XPC: variants seen among roughly 807,000 people sequenced by gnomAD.
XPC encodes the protein XPC complex subunit, DNA damage recognition and repair factor, also known as DNA repair protein complementing XP-C cells.
A neutral mutation model predicts 95.8 loss-of-function variants in XPC; 76 were observed. The ratio of observed to expected loss-of-function variants is 0.79; its 90% confidence interval spans 0.66 to 0.96. The LOEUF is 0.96. Ranked by LOEUF, XPC falls within the 40% of genes least tolerant of loss-of-function variation. The pLI is 0.00. For synonymous variants in XPC, 442 were observed against 442.1 expected, an observed-to-expected ratio of 1.00 and a Z score of 0.00; for missense variants, 1,146 against 1,179.8, an observed-to-expected ratio of 0.97 and a Z score of 0.42.
At chr3:14,155,725 A>AT (rs1248040942) in intron 10 of XPC, among the ~76,000 whole-genome samples, 1 of 151,948 alleles carries the variant, frequency 6.6e-6, no homozygotes, top group African/African-American at 2.4e-5. Flanking sequence ...CACCCGGCTA[A>AT]TTTTTTGTAT....
At chr3:14,150,317 A>G (rs1030232958) in intron 11 of XPC, among the ~76,000 whole-genome samples, 1 of 152,250 alleles carries the variant, frequency 6.6e-6, no homozygotes, top group Non-Finnish European at 1.5e-5. Flanking sequence ...CTTGTTCTGT[A>G]AAGGGTCATG....
At chr3:14,146,672 G>T (rs1695451043) in intron 15 of XPC, among the ~76,000 whole-genome samples, 3 of 152,178 alleles carry the variant, frequency 2.0e-5, no homozygotes, top group Admixed American at 2.0e-4. Context: ...AGAGGGACTG[G>T]AATGAGGAGC....
At chr3:14,162,489 A>C (rs534474273) in intron 7 of XPC, among the ~76,000 whole-genome samples, 4 of 152,354 alleles carry the variant, frequency 2.6e-5, no homozygotes, top group Non-Finnish European at 5.9e-5. Flanking sequence ...ATTTATGGCC[A>C]GTTGATTTTT....
intron 11 of XPC, 68 bp downstream of exon 11, chr3:14,152,267 C>T: frequency 2.1e-6 from 3 of 1,427,056 alleles, no homozygotes. Context: ...CTTCTCTGCC[C>T]CCAGCTCTCC....
Position 14,147,378 on chromosome 3 carries a change from T to C in XPC, c.2516A>G (p.Lys839Arg), listed in dbSNP as rs774659326. The C allele has an allele frequency of 1.9e-6, 3 of 1,605,364 alleles. No individual in the cohort carries two copies. Among genetic ancestry groups the C allele is most frequent in the African/African-American group, 2.7e-5 (2 of 74,786 alleles). ...GTTCCCTAGAGCCCGCTTCTCCTTTTTCTGCAGGCAAAAATGAAGTGGGAG... is the reference window on the plus strand; with the variant it reads ...GTTCCCTAGAGCCCGCTTCTCCTTTCTCTGCAGGCAAAAATGAAGTGGGAG... ...QAVIERKEKE[K>R]KEKRALGNWK... is the part of the protein sequence containing the mutation. Residue 839 changes from lysine (K) to arginine (R), a missense_variant and splice_region_variant, in exon 15 of 16, where the codon AAA becomes AGA. By Grantham distance (26) the Lys-to-Arg change is conservative. Transcript: ENST00000285021.
In XPC at chr3:14,146,039, C is replaced by G. The variant is rs2125004905; in HGVS notation, c.2725G>C (p.Glu909Gln). The G allele has an allele frequency of 6.2e-7, 1 of 1,612,920 alleles. No homozygotes were observed. The highest frequency in any genetic ancestry group is 8.5e-7 in the Non-Finnish European group (1 of 1,179,482). ...TTCAGCTTCTGCTTTTCTTCATCTTCTCGGTTTTGAGGCCAGGAGGCAGCC... is the reference window on the plus strand; with the variant it reads ...TTCAGCTTCTGCTTTTCTTCATCTTGTCGGTTTTGAGGCCAGGAGGCAGCC... ...ILAASWPQNR[E>Q]DEEKQKLKGG... Residue 909 changes from glutamate (E) to glutamine (Q), a missense_variant, in exon 16 of 16, where the codon GAA (glutamate) becomes CAA (glutamine). By Grantham distance (29) the Glu-to-Gln change is conservative. Coordinates refer to ENST00000285021, the MANE Select transcript of XPC (RefSeq NM_004628.5).
rs1209236040 is a variant in XPC at position 14,156,457 on chromosome 3, G to A, written c.1911C>T (p.Ala637=). The A allele has an allele frequency of 1.9e-6, 3 of 1,614,030 alleles. No individual in the cohort carries two copies. In the East Asian group the frequency reaches 6.7e-5, roughly 36 times the overall value. ...GAGGGTGGTTCTTATATAAGCCAAT[G>A]GCAGTGGGCAAAGGCTGGTCCATGT... is the stretch of plus-strand genomic sequence containing the variant. The part of the protein sequence containing the change: ...AKHMDQPLPT[A]IGLYKNHPLY... The change falls in exon 10 of 16, where the codon GCC becomes GCT. Residue 637 remains alanine, a synonymous_variant. Coordinates refer to ENST00000285021, the MANE Select transcript of XPC (RefSeq NM_004628.5).
chr3:14,162,270 G>A (rs1356216314), intron 7 of XPC, among the ~76,000 whole-genome samples: 2 of 152,278 alleles, frequency 1.3e-5, no homozygotes, highest in South Asian at 2.1e-4. Context: ...CTTTTTCACA[G>A]AAATGGAAAA....
chr3:14,148,810 T>A lies in XPC; in HGVS notation c.2250+4A>T, dbSNP rs1695559774. ...GTCCTGAGCCCTTCTGATGCTGCCC[T>A]TACCTTCCCGTCCACGGCCACTGGG... is the stretch of plus-strand genomic sequence containing the variant. On this transcript the variant is annotated splice_donor_region_variant and intron_variant, in intron 12 of 15. Coordinates refer to ENST00000285021, the MANE Select transcript of XPC (RefSeq NM_004628.5). 1 of 1,613,842 alleles carries A rather than the reference T, an allele frequency of 6.2e-7. No individual in the cohort carries two copies. The highest frequency in any genetic ancestry group is 1.3e-5 in the African/African-American group (1 of 74,936).
intron 2 of XPC, 141 bp downstream of exon 2, chr3:14,172,726 C>T (rs1226546454): frequency 1.1e-5 from 10 of 919,238 alleles, no homozygotes; most frequent in South Asian, 2.3e-5. Flanking sequence ...CAGCTCTTAC[C>T]GGTCTGAGTT....
At chr3:14,167,771 C>T (rs1696441855) in intron 4 of XPC, among the ~76,000 whole-genome samples, 2 of 152,112 alleles carry the variant, frequency 1.3e-5, no homozygotes, top group Admixed American at 6.5e-5. Context: ...TTGGAATTCC[C>T]AAGCCATCAG....
intron 5 of XPC, 116 bp downstream of exon 5, chr3:14,167,053 G>T: frequency 2.3e-6 from 2 of 857,210 alleles, no homozygotes; most frequent in Non-Finnish European, 3.4e-6. Context: ...AAGGCTCAGA[G>T]AGAGTAAGAA....
chr3:14,173,130 A>T (rs1035602665), intron 1 of XPC, 68 bp from the exon 2 acceptor site: 416 of 1,390,848 alleles, frequency 3.0e-4, no homozygotes, highest in East Asian at 1.1e-3. Flanking sequence ...GCTTATGGGC[A>T]GGGGCATAAA....
rs1574948019 is a variant in XPC, at chr3:14,147,232, C to T, written c.2604+58G>A. On this transcript the variant is annotated intron_variant, in intron 15 of 15. Transcript: ENST00000285021. ...AGAATCTGGGCCAGGCCTTTCTGAG[C>T]TGCATCTCCAAGAAACTGACCCTGA... The T allele has an allele frequency of 2.1e-5, 33 of 1,537,002 alleles. No individual in the cohort carries two copies. The East Asian group carries it at 7.9e-4, about 37-fold the overall frequency.
In XPC at chr3:14,172,917, T is replaced by G. The variant is rs758138803; in HGVS notation, c.249A>C (p.Glu83Asp). The change falls in exon 2 of 16, where the codon GAA becomes GAC. Residue 83 changes from glutamate (E) to aspartate (D), a missense_variant. By Grantham distance (45) the Glu-to-Asp change is conservative (BLOSUM62 2). Coordinates refer to ENST00000285021, the MANE Select transcript of XPC (RefSeq NM_004628.5). Reference protein sequence around the residue: ...KKVAKVTVKSENLKVIKDEAL... With the variant: ...KKVAKVTVKSDNLKVIKDEAL... ...CTTCATCCTTTATAACCTTGAGGTT[T>G]TCAGATTTAACAGTCACCTTGGCCA... 1 of 1,613,944 alleles carries G rather than the reference T, an allele frequency of 6.2e-7. No individual in the cohort carries two copies. Among genetic ancestry groups the G allele is most frequent in the East Asian group, 2.2e-5 (1 of 44,888 alleles).
intron 1 of XPC, among the ~76,000 whole-genome samples, chr3:14,173,580 T>C (rs751647180): frequency 3.9e-5 from 6 of 152,146 alleles, no homozygotes; most frequent in Non-Finnish European, 7.4e-5. Context: ...GTAACCCAAA[T>C]GGCACTCATA....
chr3:14,150,940 T>G (rs1695663300), intron 11 of XPC, among the ~76,000 whole-genome samples: 1 of 152,048 alleles, frequency 6.6e-6, no homozygotes, highest in Non-Finnish European at 1.5e-5. Context: ...GGACTCAGAC[T>G]AAAGGCGCTG....
Position 14,158,094 on chromosome 3 carries a change from G to C in XPC, c.1789C>G (p.Arg597Gly). ...PVWMTVTRKCRVDAEWWAETL... is the reference protein window; with the variant it reads ...PVWMTVTRKCGVDAEWWAETL... ...TCGGCCCACCACTCAGCATCAACCC[G>C]GCACTTGCGGGTCACTGTCATCCAG... The change falls in exon 9 of 16, where the codon CGG becomes GGG. Residue 597 changes from arginine to glycine, a missense_variant. Transcript: ENST00000285021. This position sits in a 1 kb window ranked among gnomAD's most constrained non-coding sequence, Gnocchi z 5.2. 1 of 1,613,918 alleles carries C rather than the reference G, an allele frequency of 6.2e-7. No homozygotes were observed. The highest frequency in any genetic ancestry group is 8.5e-7 in the Non-Finnish European group (1 of 1,179,872).
intron 9 of XPC, among the ~76,000 whole-genome samples, chr3:14,157,282 T>C (rs764843952): frequency 2.0e-5 from 3 of 152,148 alleles, no homozygotes; most frequent in Non-Finnish European, 4.4e-5. Flanking sequence ...ATGGGATGCA[T>C]TGCACTCCTA....
Sources: gnomAD v4.1 joint callset for allele counts (sites outside exome capture counted in the v4.1 genomes callset) on GRCh38, gnomAD v4.1.1 for gene constraint, Gnocchi (gnomAD v3.1) non-coding constraint, MANE v1.5 for transcripts, NCBI Gene and HGNC (gene_info 2026-07-23, HGNC 2026-07-21) for gene names.